NTMT1: variants seen among roughly 807,000 people sequenced by gnomAD.
NTMT1 encodes the protein N-terminal RCC1 methyltransferase.
NTMT1 carries 8 observed loss-of-function variants against 17.5 expected under a neutral mutation model. The ratio of observed to expected loss-of-function variants is 0.46; its 90% CI spans 0.27 to 0.82. The LOEUF is 0.82. NTMT1 is among the 40% of genes least tolerant of loss of function. NTMT1 has a pLI of 0.15. For missense variants in NTMT1, 221 were observed against 303.5 expected, an observed-to-expected ratio of 0.73 and a Z score of 2.02; for synonymous variants, 128 against 126.8, an observed-to-expected ratio of 1.01 and a Z score of -0.06.
rs1830265214 is a variant in NTMT1, at chr9:129,614,711, T to C, written c.-55+5533T>C. ...TGAGGTCAGGAGTTCGAGACCACCC[T>C]GGTCAACATGGAGAAACCCCGTCTC... On this transcript the variant is annotated intron_variant, in intron 1 of 3. Transcript: ENST00000372486. This position sits in a 1 kb window ranked among gnomAD's most constrained non-coding sequence, Gnocchi z 4.4. Among the ~76,000 whole-genome samples the C allele has an allele frequency of 6.6e-6, 1 of 152,030 alleles. No homozygotes were observed. The highest frequency in any genetic ancestry group is 1.5e-5 in the Non-Finnish European group (1 of 67,986).
rs1830676034 is a variant in NTMT1, at chr9:129,620,898, A to C, written c.-55+11720A>C. On this transcript the variant is annotated intron_variant, in intron 1 of 3. Coordinates refer to the NTMT1 transcript ENST00000372486. This position sits in a 1 kb window ranked among gnomAD's most constrained non-coding sequence, Gnocchi z 5.8. Reference sequence around the variant, plus strand: ...GCACGCTGGCCAAGCTTACACATAGACTAGCTGCCATTCTTAGTATTTCAA... The same window carrying C: ...GCACGCTGGCCAAGCTTACACATAGCCTAGCTGCCATTCTTAGTATTTCAA... 1 of 281,522 alleles carries C rather than the reference A, an allele frequency of 3.6e-6. No homozygotes were observed. The highest frequency in any genetic ancestry group is 6.6e-6 in the Non-Finnish European group (1 of 151,796). 17.4% of individuals were successfully genotyped at this position (281,522 alleles called of 1,614,324 possible). A position where few individuals can be genotyped will look rare whatever the true frequency, so the allele number is the denominator to read the frequency against.
At chr9:129,619,378 T>G (rs1830556615) in intron 1 of NTMT1, 1 of 682,156 alleles carries the variant, frequency 1.5e-6, no homozygotes, top group Non-Finnish European at 2.6e-6. Flanking sequence ...GAAGATCTGA[T>G]TCACGGACAG....
rs931696074 is a variant in NTMT1 at position 129,620,704 on chromosome 9, G to C, written c.-55+11526G>C. On this transcript the variant is annotated intron_variant, in intron 1 of 3. Coordinates refer to the NTMT1 transcript ENST00000372486. The surrounding 1 kb of genome is among the most constrained non-coding windows in gnomAD (Gnocchi z 5.8). Reference sequence around the variant, plus strand: ...CGGGGCAGCGCGGTGCGGGGTGAACGCCACCGGCCCGGCGGACAGCGAGTG... The same window carrying C: ...CGGGGCAGCGCGGTGCGGGGTGAACCCCACCGGCCCGGCGGACAGCGAGTG... 4.9e-6 allele frequency: 4 copies of C among 822,380 alleles called. No homozygotes were observed. The highest frequency in any genetic ancestry group is 6.5e-6 in the Non-Finnish European group (4 of 615,112). 50.9% of individuals were successfully genotyped at this position (822,380 alleles called of 1,614,324 possible). A position where few individuals can be genotyped will look rare whatever the true frequency, so the allele number is the denominator to read the frequency against.
upstream of NTMT1, among the ~76,000 whole-genome samples, chr9:129,621,393 G>C (rs567695780): frequency 2.0e-4 from 31 of 152,306 alleles, no homozygotes; most frequent in Non-Finnish European, 3.7e-4. Flanking sequence ...GGGTCCTGCT[G>C]TCACCCAGGC....
chr9:129,615,345 G>A (rs2275898), intron 1 of NTMT1: 48,057 of 950,514 alleles, frequency 0.051, 1,484 homozygotes, highest in South Asian at 0.1. Context: ...GGCCAGTTCA[G>A]GCACATCCTC....
chr9:129,617,899 G>T (rs1234332855), intron 1 of NTMT1, among the ~76,000 whole-genome samples: 1 of 152,120 alleles, frequency 6.6e-6, no homozygotes, highest in Non-Finnish European at 1.5e-5. Flanking sequence ...ACCAAGGCTG[G>T]TCTCAAACTC....
At chr9:129,610,208 A>AGGGAGGGGGAGGGGAAAGG (rs1830078941) in intron 1 of NTMT1, among the ~76,000 whole-genome samples, 1 of 48,950 alleles carries the variant, frequency 2.0e-5, no homozygotes. Context: ...GGGGGGGAGG[A>AGGGAGGGGGAGGGGAAAGG]GGGAGGGGGA....
chr9:129,611,865 G>A (rs1480025237), intron 1 of NTMT1, among the ~76,000 whole-genome samples: 3 of 151,972 alleles, frequency 2.0e-5, no homozygotes, highest in Non-Finnish European at 4.4e-5. Flanking sequence ...CAATCTGCCC[G>A]CCTCAGCCTC....
At chr9:129,623,231 G>T (rs1392689568), upstream of NTMT1, among the ~76,000 whole-genome samples, 1 of 151,754 alleles carries the variant, frequency 6.6e-6, no homozygotes, top group Admixed American at 6.6e-5. Flanking sequence ...TACGCGGGAG[G>T]CTGAGGCAGG....
At chr9:129,619,383 G>T in intron 1 of NTMT1, 2 of 687,642 alleles carry the variant, frequency 2.9e-6, no homozygotes, top group Admixed American at 2.4e-5. Flanking sequence ...TCTGATTCAC[G>T]GACAGCCATA....
At position 129,620,977 on chromosome 9, in the gene NTMT1, C is replaced by A. The variant is rs980888416; in HGVS notation, c.-54-11673C>A. 1.3e-5 allele frequency among the ~76,000 whole-genome samples: 2 copies of A among 152,220 alleles called. No individual in the cohort carries two copies. Among genetic ancestry groups the A allele is most frequent in the African/African-American group, 2.4e-5 (1 of 41,460 alleles). ...GCTCCACCACTTATTAGCTTTGTAA[C>A]CTTGGCCAAGCCAATTAACTTCCCT... On this transcript the variant is annotated intron_variant, in intron 1 of 3. Transcript: ENST00000372486. The surrounding 1 kb of genome is among the most constrained non-coding windows in gnomAD (Gnocchi z 5.8).
chr9:129,615,833 G>A (rs370072871), intron 1 of NTMT1, among the ~76,000 whole-genome samples: 3 of 152,334 alleles, frequency 2.0e-5, no homozygotes, highest in East Asian at 1.9e-4. Context: ...GCTCAAGCAC[G>A]CACATACACC....
chr9:129,621,887 G>A (rs1486866621), upstream of NTMT1, among the ~76,000 whole-genome samples: 2 of 152,156 alleles, frequency 1.3e-5, no homozygotes, highest in Non-Finnish European at 2.9e-5. Context: ...CTCTCTACAG[G>A]CAGGCTGTAG....
At position 129,613,538 on chromosome 9, in the gene NTMT1, A is replaced by C; in HGVS notation, c.-55+4360A>C. ...TCCAGCCGTTTTCCGACACTCCCAA[A>C]CACCCGCTCGGACGCCACTGGCAGG... On this transcript the variant is annotated intron_variant, in intron 1 of 3. Transcript: ENST00000372486. The surrounding 1 kb of genome is among the most constrained non-coding windows in gnomAD (Gnocchi z 6.2). 2 of 1,614,072 alleles carry C rather than the reference A, an allele frequency of 1.2e-6. No individual in the cohort carries two copies. Among genetic ancestry groups the C allele is most frequent in the Non-Finnish European group, 8.5e-7 (1 of 1,179,996 alleles).
At chr9:129,615,533 G>C (rs749918326) in intron 1 of NTMT1, 23 of 1,610,794 alleles carry the variant, frequency 1.4e-5, no homozygotes, top group Admixed American at 3.3e-5. Context: ...GCAGGGTCTC[G>C]TCAGCGAATC....
chr9:129,620,696 G>C lies in NTMT1; in HGVS notation c.-55+11518G>C. 3.3e-6 allele frequency: 3 copies of C among 920,760 alleles called. No individual in the cohort carries two copies. The highest frequency in any genetic ancestry group is 4.3e-6 in the Non-Finnish European group (3 of 704,584). 57.0% of individuals were successfully genotyped at this position (920,760 alleles called of 1,614,324 possible). On this transcript the variant is annotated intron_variant, in intron 1 of 3. Transcript: ENST00000372486. The surrounding 1 kb of genome is among the most constrained non-coding windows in gnomAD (Gnocchi z 5.8). ...GCCCCGGGCGGGGCAGCGCGGTGCG[G>C]GGTGAACGCCACCGGCCCGGCGGAC...
rs772422291 is a variant in NTMT1, at chr9:129,615,549, C to T, written c.-55+6371C>T. The T allele has an allele frequency of 2.5e-5, 40 of 1,610,542 alleles. 1 individual carries two copies. Among genetic ancestry groups the T allele is most frequent in the South Asian group, 2.1e-4 (19 of 90,790 alleles). ...CAGGGTCTCGTCAGCGAATCGCACC[C>T]GGAAAGGGCAACGCTGCCTGCAGGG... On this transcript the variant is annotated intron_variant, in intron 1 of 3. Coordinates refer to the NTMT1 transcript ENST00000372486.
In NTMT1 at chr9:129,620,254, C is replaced by A; in HGVS notation, c.-55+11076C>A. ...GCGCCGATTCCCGGGACGCGCCGGC[C>A]GACAGCAGGGGAGGCGGCAGCAGGG... On this transcript the variant is annotated intron_variant, in intron 1 of 3. Coordinates refer to the NTMT1 transcript ENST00000372486. The surrounding 1 kb of genome is among the most constrained non-coding windows in gnomAD (Gnocchi z 5.8). The A allele has an allele frequency of 7.5e-7, 1 of 1,337,158 alleles. No individual in the cohort carries two copies. The highest frequency in any genetic ancestry group is 2.0e-5 in the South Asian group (1 of 49,084). 82.8% of individuals were successfully genotyped at this position (1,337,158 alleles called of 1,614,324 possible).
At chr9:129,633,994 G>T in intron 2 of NTMT1, 60 bp from the exon 3 acceptor site, 1 of 1,559,050 alleles carries the variant, frequency 6.4e-7, no homozygotes, top group African/African-American at 1.4e-5. Flanking sequence ...GGCTCGTGAG[G>T]AAGGGCCGCA....
Sources: allele counts gnomAD v4.1 joint callset (sites outside exome capture counted in the v4.1 genomes callset), GRCh38; gene constraint gnomAD v4.1.1; non-coding constraint Gnocchi (gnomAD v3.1); transcripts MANE v1.5; gene names NCBI Gene and HGNC (gene_info 2026-07-23, HGNC 2026-07-21).